Variants in NOS3 observed in about 807,000 individuals in gnomAD.
NOS3 encodes nitric oxide synthase 3.
Under a neutral mutation model 144.9 loss-of-function variants are expected in NOS3, and 98 were observed. The ratio of observed to expected loss-of-function variants is 0.68; its 90% confidence interval spans 0.57 to 0.80. The LOEUF (loss-of-function observed/expected upper bound fraction) is 0.80, where lower values mean the gene tolerates loss of function less well. NOS3 is among the 30% of genes least tolerant of loss of function. The pLI, the probability that NOS3 is intolerant of heterozygous loss-of-function variation, is 0.00. For synonymous variants in NOS3, 714 were observed against 702.4 expected, an observed-to-expected ratio of 1.02 and a Z score of -0.26; for missense variants, 1,465 against 1,656.4, an observed-to-expected ratio of 0.88 and a Z score of 2.01.
intron 1 of NOS3, among the ~76,000 whole-genome samples, chr7:150,991,696 T>C (rs1439462051): frequency 6.6e-6 from 1 of 152,014 alleles, no homozygotes; most frequent in Non-Finnish European, 1.5e-5. Flanking sequence ...CAGCCAGTGG[T>C]GCAGGCAAGA....
rs927699195 is a variant in NOS3 at position 151,007,191 on chromosome 7, G to A, written c.2027G>A (p.Gly676Glu). The change falls in exon 17 of 27, where the codon GGG becomes GAG. Residue 676 changes from glycine (G) to glutamate (E), a missense_variant. Gly to Glu is a moderately conservative substitution (Grantham distance 98). This residue lies in a region of NOS3 where 745 missense variants were observed against 853.9 expected (regional missense o/e 0.87). Transcript: ENST00000297494. ...GACACACGGCTGGAGGAACTGGGCG[G>A]GGAGCGGCTGCTGCAGCTGGGCCAG... ...AVDTRLEELG[G>E]ERLLQLGQGD... is the part of the protein sequence containing the mutation. 8.7e-6 allele frequency: 14 copies of A among 1,612,786 alleles called. No individual in the cohort carries two copies. The highest frequency in any genetic ancestry group is 1.2e-5 in the Non-Finnish European group (14 of 1,179,902).
intron 19 of NOS3, 41 bp from the exon 20 acceptor site, chr7:151,009,357 C>G (rs1372277703): frequency 2.1e-6 from 2 of 962,310 alleles, no homozygotes; most frequent in Non-Finnish European, 3.2e-6. Context: ...CGCCCCCACC[C>G]CTCTCTGACT....
intron 4 of NOS3, 22 bp downstream of exon 4, chr7:150,996,574 C>A: frequency 6.3e-7 from 1 of 1,578,596 alleles, no homozygotes; most frequent in Non-Finnish European, 8.6e-7. Context: ...CCGGACGCCA[C>A]AGCCTCCCTT....
chr7:150,993,784 C>G lies in NOS3; in HGVS notation c.-20C>G. The G allele has an allele frequency of 6.3e-7, 1 of 1,580,180 alleles. No homozygotes were observed. The highest frequency in any genetic ancestry group is 8.5e-7 in the Non-Finnish European group (1 of 1,170,330). The stretch of plus-strand genomic sequence containing the variant: ...GCCAGGGCTCTGCTGGAGCAGGCAG[C>G]AGAGTGGACGCACAGTAACATGGGC... On this transcript the variant is annotated 5_prime_UTR_variant, in exon 2 of 27. Transcript: ENST00000297494. This position sits in a 1 kb window ranked among gnomAD's most constrained non-coding sequence, Gnocchi z 4.0.
intron 9 of NOS3, among the ~76,000 whole-genome samples, chr7:150,999,661 GGTGGGTGAGT>G (rs1246371433): frequency 1.3e-5 from 2 of 151,358 alleles, no homozygotes; most frequent in Admixed American, 1.3e-4. Context: ...GGTTTGTAGG[GGTGGGTGAGT>G]GTGGGTGTGT....
rs529200911 is a variant in NOS3 at position 151,000,659 on chromosome 7, G to A, written c.1233+60G>A. ...GTTTGCATACGGGGGCAGCAGGGGC[G>A]GGGGATGGAGGAGAGGCAGCCATTT... is the stretch of plus-strand genomic sequence containing the variant. On this transcript the variant is annotated intron_variant, in intron 10 of 26. Transcript: ENST00000297494. The A allele has an allele frequency of 1.0e-4, 113 of 1,124,294 alleles. 1 individual carries two copies. The highest frequency in any genetic ancestry group is 2.0e-4 in the Middle Eastern group (1 of 5,112). 69.6% of individuals were successfully genotyped at this position (1,124,294 alleles called of 1,614,324 possible).
At position 150,999,280 on chromosome 7, in the gene NOS3, C is replaced by T. The variant is rs373924769; in HGVS notation, c.1047C>T (p.Pro349=). ...MLLEIGGLEF[P]AAPFSGWYMS... Reference sequence around the variant, plus strand: ...TGGAAATTGGGGGCCTGGAGTTCCCCGCAGCCCCCTTCAGTGGCTGGTACA... The same window carrying T: ...TGGAAATTGGGGGCCTGGAGTTCCCTGCAGCCCCCTTCAGTGGCTGGTACA... Residue 349 remains proline, a synonymous_variant, in exon 9 of 27, where the codon CCC becomes CCT. Coordinates refer to ENST00000297494, the MANE Select transcript of NOS3 (RefSeq NM_000603.5). 3.5e-5 allele frequency: 57 copies of T among 1,612,036 alleles called. No homozygotes were observed. Among genetic ancestry groups the T allele is most frequent in the Non-Finnish European group, 4.7e-5 (55 of 1,179,718 alleles).
rs1317783291 is a variant in NOS3 at position 151,013,350 on chromosome 7, G to A, written c.3226G>A (p.Ala1076Thr). The stretch of plus-strand genomic sequence containing the variant: ...CGGGGTGTTTGGCCGAGTCCTCACC[G>A]CCTTCTCCCGGGAACCTGACAACCC... ...QRGVFGRVLTAFSREPDNPKT... is the reference protein window; with the variant it reads ...QRGVFGRVLTTFSREPDNPKT... The change falls in exon 25 of 27, where the codon GCC (alanine) becomes ACC (threonine). Residue 1076 changes from alanine (A) to threonine (T), a missense_variant. Physicochemically the swap from Ala to Thr is moderately conservative, Grantham distance 58. Coordinates refer to ENST00000297494, the MANE Select transcript of NOS3 (RefSeq NM_000603.5). The A allele has an allele frequency of 6.2e-7, 1 of 1,613,488 alleles. No individual in the cohort carries two copies. Among genetic ancestry groups the A allele is most frequent in the Non-Finnish European group, 8.5e-7 (1 of 1,179,820 alleles).
chr7:151,010,291 G>T lies in NOS3; in HGVS notation c.2685+4G>T. The T allele has an allele frequency of 6.2e-7, 1 of 1,610,928 alleles. No homozygotes were observed. The highest frequency in any genetic ancestry group is 8.5e-7 in the Non-Finnish European group (1 of 1,178,932). ...GGAGCTGGAGGCCCTCAGCCAGGTT[G>T]GGGGCCACCCCAATGAGGCACAGGG... On this transcript the variant is annotated splice_donor_region_variant and intron_variant, in intron 21 of 26. Coordinates refer to ENST00000297494, the MANE Select transcript of NOS3 (RefSeq NM_000603.5).
chr7:150,993,637 C>A lies in NOS3; in HGVS notation c.-51-116C>A. On this transcript the variant is annotated intron_variant, in intron 1 of 26. Coordinates refer to ENST00000297494, the MANE Select transcript of NOS3 (RefSeq NM_000603.5). The surrounding 1 kb of genome is among the most constrained non-coding windows in gnomAD (Gnocchi z 4.0). ...GGGCGTGGAGCTGAGGCTTTAGAGC[C>A]TCCCAGCCGGGCTTGTTCCTGTCCC... 1 of 664,250 alleles carries A rather than the reference C, an allele frequency of 1.5e-6. No individual in the cohort carries two copies. The highest frequency in any genetic ancestry group is 2.5e-6 in the Non-Finnish European group (1 of 406,462). The allele number at this position is 664,250 out of a possible 1,614,324, so 41.1% of individuals were successfully genotyped here. A position where few individuals can be genotyped will look rare whatever the true frequency, so the allele number is the denominator to read the frequency against.
At chr7:151,011,611 CAAAA>C (rs371264947) in intron 23 of NOS3, among the ~76,000 whole-genome samples, 4 of 126,832 alleles carry the variant, frequency 3.2e-5, no homozygotes, top group Admixed American at 1.6e-4. Flanking sequence ...GACTCTGTCT[CAAAA>C]AAAAAAAAAA....
At chr7:150,997,619 A>C (rs1802462071) in intron 5 of NOS3, among the ~76,000 whole-genome samples, 1 of 152,216 alleles carries the variant, frequency 6.6e-6, no homozygotes, top group Non-Finnish European at 1.5e-5. Context: ...CTGGCCGCCA[A>C]AGAGTTTGAA....
chr7:151,004,743 T>G (rs1164520231), intron 14 of NOS3, among the ~76,000 whole-genome samples: 1 of 152,228 alleles, frequency 6.6e-6, no homozygotes, highest in East Asian at 1.9e-4. Context: ...GCAGAACTAA[T>G]CCACGGAGTT....
Position 151,009,448 on chromosome 7 carries a change from AGTACCAGCCGGGGGACCACATAG to A in NOS3, c.2378_2400del (p.Tyr793CysfsTer25). 1 of 1,547,138 alleles carries A rather than the reference AGTACCAGCCGGGGGACCACATAG, an allele frequency of 6.5e-7. No homozygotes were observed. Among genetic ancestry groups the A allele is most frequent in the Non-Finnish European group, 8.7e-7 (1 of 1,145,924 alleles). ...GACACCGGAGGCCAGGAGGGGCTGC[AGTACCAGCCGGGGGACCACATAG>A]GTGTCTGCCCGCCCAACCGGCCCGG... On this transcript the variant is annotated frameshift_variant, in exon 20 of 27. Transcript: ENST00000297494. LOFTEE classifies it high-confidence loss of function.
Position 151,003,125 on chromosome 7 carries a change from C to G in NOS3, c.1752+821C>G, listed in dbSNP as rs1399503488. 1 of 452,352 alleles carries G rather than the reference C, an allele frequency of 2.2e-6. No individual in the cohort carries two copies. The highest frequency in any genetic ancestry group is 4.4e-6 in the Non-Finnish European group (1 of 226,284). The allele number at this position is 452,352 out of a possible 1,614,324, so 28.0% of individuals were successfully genotyped here. A position where few individuals can be genotyped will look rare whatever the true frequency, so the allele number is the denominator to read the frequency against. The stretch of plus-strand genomic sequence containing the variant: ...TAGCACTAAGTACTTCCTCAGTACT[C>G]TTTTTTCTTTTTTCCTTTGAGACAG... On this transcript the variant is annotated intron_variant, in intron 14 of 26. Coordinates refer to ENST00000297494, the MANE Select transcript of NOS3 (RefSeq NM_000603.5). The surrounding 1 kb of genome is among the most constrained non-coding windows in gnomAD (Gnocchi z 4.1).
intron 23 of NOS3, among the ~76,000 whole-genome samples, chr7:151,011,422 T>A (rs1795301727): frequency 2.0e-5 from 3 of 151,348 alleles, no homozygotes; most frequent in Non-Finnish European, 4.4e-5. Context: ...TGGTTTTTTT[T>A]TCCCCCAGAG....
intron 1 of NOS3, among the ~76,000 whole-genome samples, chr7:150,992,294 G>C (rs1418917474): frequency 6.6e-6 from 1 of 152,186 alleles, no homozygotes; most frequent in Non-Finnish European, 1.5e-5. Context: ...GCTTAATATG[G>C]AAGCCAGACT....
chr7:150,999,414 G>T, intron 9 of NOS3, 50 bp downstream of exon 9: 1 of 1,512,606 alleles, frequency 6.6e-7, no homozygotes. Context: ...TCCAAGGCAG[G>T]AGTCTGGCTC....
In NOS3 at chr7:151,008,855, G is replaced by A. The variant is rs557380561; in HGVS notation, c.2113-75G>A. The A allele has an allele frequency of 2.2e-5, 33 of 1,483,958 alleles. 1 individual carries two copies. The Admixed American group carries it at 5.7e-4, about 26-fold the overall frequency. The allele number at this position is 1,483,958 out of a possible 1,614,324, so 91.9% of individuals were successfully genotyped here. A position where few individuals can be genotyped will look rare whatever the true frequency, so the allele number is the denominator to read the frequency against. ...CAACCCCCCAGGAGCAAGACGCAGTGAAGCCGCCCAGGCGCCTCACTAGGG... is the reference window on the plus strand; with the variant it reads ...CAACCCCCCAGGAGCAAGACGCAGTAAAGCCGCCCAGGCGCCTCACTAGGG... On this transcript the variant is annotated intron_variant, in intron 17 of 26. Coordinates refer to ENST00000297494, the MANE Select transcript of NOS3 (RefSeq NM_000603.5).
Sources: gnomAD v4.1 joint callset for allele counts (sites outside exome capture counted in the v4.1 genomes callset) on GRCh38, gnomAD v4.1.1 for gene constraint, gnomAD v4.1.1 regional missense constraint, Gnocchi (gnomAD v3.1) non-coding constraint, MANE v1.5 for transcripts, NCBI Gene and HGNC (gene_info 2026-07-23, HGNC 2026-07-21) for gene names.